Variants in PPP1R15B observed in about 807,000 individuals in gnomAD.
PPP1R15B encodes the protein protein phosphatase 1, regulatory (inhibitor) subunit 15B.
Under a neutral mutation model 53.9 loss-of-function variants are expected in PPP1R15B, and 31 were observed. That is an observed-to-expected ratio of 0.58 (90% CI 0.43 to 0.78). The LOEUF is 0.78. Ranked by LOEUF, PPP1R15B falls within the 30% of genes least tolerant of loss-of-function variation. The pLI, the probability that PPP1R15B is intolerant of heterozygous loss-of-function variation, is 0.00. For synonymous variants in PPP1R15B, 345 were observed against 329.1 expected (o/e 1.05, Z -0.52); for missense variants, 928 against 849.6 (o/e 1.09, Z -1.15).
Position 204,411,051 on chromosome 1 carries a change from G to A in PPP1R15B, c.361C>T (p.Gln121Ter). ...AGCTGCAGCGAACTCAAAGATTTCT[G>A]CGCTGTGGGGGCGGCTGGTTTCTCC... is the stretch of plus-strand genomic sequence containing the variant. ...GREKPAAPTA[Q>*]KSLSSLQLDS... The change falls in exon 1 of 2, where the codon CAG becomes TAG. Residue 121 changes from glutamine (Q) to a stop codon, truncating the protein, a stop_gained. Transcript: ENST00000367188. LOFTEE classifies it high-confidence loss of function. 5 of 1,614,180 alleles carry A rather than the reference G, an allele frequency of 3.1e-6. No homozygotes were observed. Among genetic ancestry groups the A allele is most frequent in the Non-Finnish European group, 4.2e-6 (5 of 1,180,036 alleles).
At chr1:204,409,452 G>A (rs779233463) in intron 1 of PPP1R15B, 40 bp downstream of exon 1, 5 of 1,560,544 alleles carry the variant, frequency 3.2e-6, no homozygotes, top group Non-Finnish European at 4.3e-6. Context: ...TATAAAAACA[G>A]TCAGAACATA....
Position 204,409,971 on chromosome 1 carries a change from A to C in PPP1R15B, c.1441T>G (p.Phe481Val), listed in dbSNP as rs779063788. 6.2e-7 allele frequency: 1 copy of C among 1,614,198 alleles called. No individual in the cohort carries two copies. Among genetic ancestry groups the C allele is most frequent in the African/African-American group, 1.3e-5 (1 of 75,048 alleles). ...DPEGLHLWNSFCSVDPYNPQN... is the reference protein window; with the variant it reads ...DPEGLHLWNSVCSVDPYNPQN... ...GGATTATAAGGATCTACACTGCAGA[A>C]AGAGTTCCAAAGGTGAAGCCCTTCA... The change falls in exon 1 of 2, where the codon TTC becomes GTC. Residue 481 changes from phenylalanine (F) to valine (V), a missense_variant. By Grantham distance (50) the Phe-to-Val change is conservative. Coordinates refer to ENST00000367188, the MANE Select transcript of PPP1R15B (RefSeq NM_032833.5).
Position 204,410,589 on chromosome 1 carries a change from T to G in PPP1R15B, c.823A>C (p.Ile275Leu), listed in dbSNP as rs1477631663. The change falls in exon 1 of 2, where the codon ATT (isoleucine) becomes CTT (leucine). Residue 275 changes from isoleucine to leucine, a missense_variant. Coordinates refer to ENST00000367188, the MANE Select transcript of PPP1R15B (RefSeq NM_032833.5). ...CHPQPLSAEL[I>L]PASWQGCPPL... ...GGACATCCCTGCCACGAGGCCGGAA[T>G]GAGTTCTGCACTCAGCGGCTGGGGA... is the stretch of plus-strand genomic sequence containing the variant. 2 of 1,613,884 alleles carry G rather than the reference T, an allele frequency of 1.2e-6. No individual in the cohort carries two copies. Among genetic ancestry groups the G allele is most frequent in the South Asian group, 2.2e-5 (2 of 91,070 alleles).
chr1:204,410,601 T>C lies in PPP1R15B; in HGVS notation c.811A>G (p.Ser271Gly). ...REDHCHPQPLSAELIPASWQG... is the reference protein window; with the variant it reads ...REDHCHPQPLGAELIPASWQG... ...CACGAGGCCGGAATGAGTTCTGCAC[T>C]CAGCGGCTGGGGATGACAATGGTCC... The change falls in exon 1 of 2, where the codon AGT becomes GGT. Residue 271 changes from serine to glycine, a missense_variant. Transcript: ENST00000367188. 1.2e-6 allele frequency: 2 copies of C among 1,614,034 alleles called. No homozygotes were observed. The highest frequency in any genetic ancestry group is 1.7e-6 in the Non-Finnish European group (2 of 1,179,920).
rs1440804351 is a variant in PPP1R15B, at chr1:204,404,081, T to C, written c.*2011A>G. The C allele has an allele frequency of 1.0e-6, 1 of 985,348 alleles. No individual in the cohort carries two copies. Among genetic ancestry groups the C allele is most frequent in the East Asian group, 1.1e-4 (1 of 8,838 alleles). The allele number at this position is 985,348 out of a possible 1,614,324, so 61.0% of individuals were successfully genotyped here. On this transcript the variant is annotated 3_prime_UTR_variant, in exon 2 of 2. Transcript: ENST00000367188. ...TGGTTTTAAAAGAATGCCTGTATGTTGTCAAAAGGCTTTTTTCAAGGCAAA... is the reference window on the plus strand; with the variant it reads ...TGGTTTTAAAAGAATGCCTGTATGTCGTCAAAAGGCTTTTTTCAAGGCAAA...
rs1674217455 is a variant in PPP1R15B at position 204,403,749 on chromosome 1, G to A, written c.*2343C>T. On this transcript the variant is annotated 3_prime_UTR_variant, in exon 2 of 2. Coordinates refer to ENST00000367188, the MANE Select transcript of PPP1R15B (RefSeq NM_032833.5). ...AAAGATTTTCTCTTTAAGATTACGG[G>A]GGTTTAACTTTGTTCTAACTAGAAT... The A allele has an allele frequency of 1.0e-6, 1 of 985,182 alleles. No individual in the cohort carries two copies. The highest frequency in any genetic ancestry group is 6.1e-5 in the Admixed American group (1 of 16,264). The allele number at this position is 985,182 out of a possible 1,614,324, so 61.0% of individuals were successfully genotyped here. A position where few individuals can be genotyped will look rare whatever the true frequency, so the allele number is the denominator to read the frequency against.
rs755618859 is a variant in PPP1R15B, at chr1:204,410,328, C to T, written c.1084G>A (p.Glu362Lys). The change falls in exon 1 of 2, where the codon GAA (glutamate) becomes AAA (lysine). Residue 362 changes from glutamate (E) to lysine (K), a missense_variant. Transcript: ENST00000367188. Reference sequence around the variant, plus strand: ...GTAGTTAATAATTCTATTTTTTCTTCAGTGGATTCCTGGGTGTTTCCAGGA... The same window carrying T: ...GTAGTTAATAATTCTATTTTTTCTTTAGTGGATTCCTGGGTGTTTCCAGGA... The part of the protein sequence containing the change: ...DIPGNTQEST[E>K]EKIELLTTEV... The T allele has an allele frequency of 6.2e-6, 10 of 1,614,112 alleles. No individual in the cohort carries two copies. Among genetic ancestry groups the T allele is most frequent in the Non-Finnish European group, 6.8e-6 (8 of 1,180,020 alleles).
intron 1 of PPP1R15B, among the ~76,000 whole-genome samples, chr1:204,407,961 C>A (rs1272399539): frequency 8.5e-5 from 13 of 152,156 alleles, no homozygotes; most frequent in Admixed American, 8.5e-4. Flanking sequence ...TCAATAGTAT[C>A]ATCTACTCCA....
Position 204,409,719 on chromosome 1 carries a change from G to T in PPP1R15B, c.1693C>A (p.Pro565Thr). Residue 565 changes from proline (P) to threonine (T), a missense_variant, in exon 1 of 2, where the codon CCC becomes ACC. Coordinates refer to ENST00000367188, the MANE Select transcript of PPP1R15B (RefSeq NM_032833.5). ...GCCTTAAAATTTAAAGGGTTGTAGG[G>T]GTCATCAGAATTACAGAATGAGTTC... ...LWNSFCNSDDPYNPLNFKAPF... is the reference protein window; with the variant it reads ...LWNSFCNSDDTYNPLNFKAPF... 1 of 1,614,010 alleles carries T rather than the reference G, an allele frequency of 6.2e-7. No individual in the cohort carries two copies. Among genetic ancestry groups the T allele is most frequent in the Non-Finnish European group, 8.5e-7 (1 of 1,180,004 alleles).
chr1:204,398,625 T>C (rs1002716946), downstream of PPP1R15B, among the ~76,000 whole-genome samples: 6 of 152,296 alleles, frequency 3.9e-5, no homozygotes, highest in South Asian at 1.0e-3. Flanking sequence ...AGGGCAGTTT[T>C]CCAGCTTGTT....
downstream of PPP1R15B, among the ~76,000 whole-genome samples, chr1:204,398,096 T>C (rs186117745): frequency 1.3e-4 from 20 of 152,326 alleles, no homozygotes; most frequent in East Asian, 2.7e-3. Context: ...TAAAATACTC[T>C]GGTCACTGCG....
At chr1:204,409,334 G>A (rs755601703) in intron 1 of PPP1R15B, among the ~76,000 whole-genome samples, 158 bp downstream of exon 1, 4 of 152,186 alleles carry the variant, frequency 2.6e-5, no homozygotes, top group Admixed American at 6.5e-5. Flanking sequence ...GGGACAGGAG[G>A]AGAAGGGTCA....
At chr1:204,407,711 A>AT (rs905430998) in intron 1 of PPP1R15B, among the ~76,000 whole-genome samples, 1 of 152,172 alleles carries the variant, frequency 6.6e-6, no homozygotes, top group Non-Finnish European at 1.5e-5. Context: ...AGAGCTTTAC[A>AT]TTTTTATCTC....
In PPP1R15B at chr1:204,405,108, A is replaced by C; in HGVS notation, c.*984T>G. On this transcript the variant is annotated 3_prime_UTR_variant, in exon 2 of 2. Coordinates refer to ENST00000367188, the MANE Select transcript of PPP1R15B (RefSeq NM_032833.5). ...GGGATCCTGACAGGTTTTAAAAGTG[A>C]CAGTGCTGAGGCATGATATTCATTA... 6 of 985,806 alleles carry C rather than the reference A, an allele frequency of 6.1e-6. No homozygotes were observed. Among genetic ancestry groups the C allele is most frequent in the Non-Finnish European group, 7.2e-6 (6 of 829,852 alleles). 61.1% of individuals were successfully genotyped at this position (985,806 alleles called of 1,614,324 possible). A position where few individuals can be genotyped will look rare whatever the true frequency, so the allele number is the denominator to read the frequency against.
downstream of PPP1R15B, among the ~76,000 whole-genome samples, chr1:204,396,069 C>T (rs1277583035): frequency 6.6e-6 from 1 of 151,996 alleles, no homozygotes; most frequent in Non-Finnish European, 1.5e-5. Flanking sequence ...TACTGATACA[C>T]TCAACAGAAG....
downstream of PPP1R15B, among the ~76,000 whole-genome samples, chr1:204,402,682 G>A (rs970016910): frequency 1.1e-4 from 17 of 151,744 alleles, no homozygotes; most frequent in African/African-American, 2.7e-4. Context: ...TCAGCCTCCC[G>A]AAGTGCTGGA....
chr1:204,410,815 T>C lies in PPP1R15B; in HGVS notation c.597A>G (p.Glu199=), dbSNP rs771026158. Residue 199 remains glutamate (E), a synonymous_variant, in exon 1 of 2, where the codon GAA becomes GAG. Coordinates refer to ENST00000367188, the MANE Select transcript of PPP1R15B (RefSeq NM_032833.5). ...SLQSRLYSNR[E]LGSSPSGPLN... ...GAGGCCCAGAGGGCGAAGAGCCAAG[T>C]TCCCGGTTAGAGTACAGACGGGATT... is the stretch of plus-strand genomic sequence containing the variant. 6.2e-7 allele frequency: 1 copy of C among 1,614,222 alleles called. No individual in the cohort carries two copies. Among genetic ancestry groups the C allele is most frequent in the Non-Finnish European group, 8.5e-7 (1 of 1,180,040 alleles).
chr1:204,399,153 C>A (rs539400855), downstream of PPP1R15B, among the ~76,000 whole-genome samples: 1 of 152,180 alleles, frequency 6.6e-6, no homozygotes, highest in Non-Finnish European at 1.5e-5. Context: ...CTTGGCCAGG[C>A]CCAGTGGCTC....
rs146065035 is a variant in PPP1R15B, at chr1:204,407,936, G to A, written c.1920+1556C>T. On this transcript the variant is annotated intron_variant, in intron 1 of 1. Coordinates refer to ENST00000367188, the MANE Select transcript of PPP1R15B (RefSeq NM_032833.5). Reference sequence around the variant, plus strand: ...TCAGACATAATCATTTATAAATTCTGCTTCTAGTTCATAGTCAATAGTATC... The same window carrying A: ...TCAGACATAATCATTTATAAATTCTACTTCTAGTTCATAGTCAATAGTATC... 1.6e-4 allele frequency among the ~76,000 whole-genome samples: 24 copies of A among 152,164 alleles called. No homozygotes were observed. The East Asian group carries it at 4.6e-3, about 29-fold the overall frequency.
Sources: allele counts gnomAD v4.1 joint callset (sites outside exome capture counted in the v4.1 genomes callset), GRCh38; gene constraint gnomAD v4.1.1; transcripts MANE v1.5; gene names NCBI Gene and HGNC (gene_info 2026-07-23, HGNC 2026-07-21).